The following ACOXL variants were observed in gnomAD, a reference collection of about 807,000 sequenced individuals.
ACOXL encodes the protein acyl-CoA oxidase like.
Under a neutral mutation model 71.9 loss-of-function variants are expected in ACOXL, and 70 were observed. The ratio of observed to expected loss-of-function variants is 0.97; its 90% CI spans 0.80 to 1.19. ACOXL has a LOEUF of 1.19. Among genes scored for constraint, ACOXL ranks in the 50% most tolerant of loss-of-function variants. ACOXL has a pLI of 0.00. For synonymous variants in ACOXL, 253 were observed against 281.6 expected, an observed-to-expected ratio of 0.90 and a Z score of 1.02; for missense variants, 703 against 736.3, an observed-to-expected ratio of 0.95 and a Z score of 0.52.
chr2:111,015,993 T>G (rs6737041), intron 14 of ACOXL, among the ~76,000 whole-genome samples: 55,311 of 151,992 alleles, frequency 0.36, 10,754 homozygotes, highest in African/African-American at 0.49. Context: ...AGTGCAGTGG[T>G]ACAATCATAG....
intron 1 of ACOXL, among the ~76,000 whole-genome samples, chr2:110,734,185 A>G (rs1201840116): frequency 6.6e-6 from 1 of 151,916 alleles, no homozygotes; most frequent in Non-Finnish European, 1.5e-5. Flanking sequence ...GAATTAATAA[A>G]CATTTGAAAA....
rs118020748 is a variant in ACOXL, at chr2:110,852,621, A to G, written c.788+11216A>G. Among the ~76,000 whole-genome samples the G allele has an allele frequency of 5.3e-4, 81 of 152,354 alleles. 1 individual carries two copies. In the East Asian group the frequency reaches 0.014, roughly 27 times the overall value. On this transcript the variant is annotated intron_variant, in intron 10 of 17. Transcript: ENST00000439055. ...ACTACTTACAAATCAAGAACATTCTATAGCCTCTACATCACATGGGGGACT... is the reference window on the plus strand; with the variant it reads ...ACTACTTACAAATCAAGAACATTCTGTAGCCTCTACATCACATGGGGGACT...
chr2:110,919,345 G>A (rs1257239854), intron 11 of ACOXL, among the ~76,000 whole-genome samples: 3 of 147,060 alleles, frequency 2.0e-5, no homozygotes, highest in African/African-American at 5.0e-5. Flanking sequence ...TCATAAGTGG[G>A]AGCTGAACAA....
chr2:110,821,794 A>G (rs1329563373), intron 9 of ACOXL, among the ~76,000 whole-genome samples: 2 of 152,280 alleles, frequency 1.3e-5, no homozygotes, highest in African/African-American at 4.8e-5. Context: ...TTCTTTATGT[A>G]AGTATGTACT....
chr2:111,050,558 C>A (rs771128429), intron 16 of ACOXL, among the ~76,000 whole-genome samples: 10 of 152,178 alleles, frequency 6.6e-5, no homozygotes, highest in Non-Finnish European at 2.9e-5. Flanking sequence ...TGCTCACCGG[C>A]CTTTGGTCTT....
At chr2:111,083,404 G>C (rs934746524) in intron 16 of ACOXL, among the ~76,000 whole-genome samples, 1 of 152,070 alleles carries the variant, frequency 6.6e-6, no homozygotes, top group Non-Finnish European at 1.5e-5. Context: ...AAAGGGAAAA[G>C]GTACAGGGGG....
chr2:111,050,489 G>T (rs1008277681), intron 16 of ACOXL, among the ~76,000 whole-genome samples: 2 of 152,216 alleles, frequency 1.3e-5, no homozygotes, highest in African/African-American at 4.8e-5. Flanking sequence ...TCCAGGTGCA[G>T]GCTGGCTTTC....
In ACOXL at chr2:110,796,189, T is replaced by C. The variant is rs148242575; in HGVS notation, c.345+2015T>C. 14 of 152,390 alleles carry C rather than the reference T, an allele frequency of 9.2e-5. No individual in the cohort carries two copies. The South Asian group carries it at 2.9e-3, about 32-fold the overall frequency. 9.4% of individuals were successfully genotyped at this position (152,390 alleles called of 1,614,324 possible). ...GACCATTTAAATCTCTTACATGTTT[T>C]GGTTATTCATTCCTGTGGGTTGGTT... is the stretch of plus-strand genomic sequence containing the variant. On this transcript the variant is annotated intron_variant, in intron 5 of 17. Transcript: ENST00000439055.
At chr2:110,818,421 ATATGTGTGTG>A (rs1688191555) in intron 9 of ACOXL, among the ~76,000 whole-genome samples, 3 of 142,546 alleles carry the variant, frequency 2.1e-5, no homozygotes, top group African/African-American at 8.0e-5. Context: ...ATATATATAT[ATATGTGTGTG>A]TGTGTGTGTG....
intron 15 of ACOXL, among the ~76,000 whole-genome samples, chr2:111,048,429 G>A (rs1380689042): frequency 5.9e-5 from 9 of 152,182 alleles, no homozygotes; most frequent in African/African-American, 1.9e-4. Flanking sequence ...TTAAATCTGA[G>A]GGTGGCAGAG....
At chr2:110,945,774 T>A (rs1246964334) in intron 12 of ACOXL, among the ~76,000 whole-genome samples, 2 of 152,202 alleles carry the variant, frequency 1.3e-5, no homozygotes, top group African/African-American at 4.8e-5. Flanking sequence ...AGTTAAATAA[T>A]GTGATGCCTT....
At chr2:110,901,436 C>T (rs1225870355) in intron 10 of ACOXL, among the ~76,000 whole-genome samples, 1 of 152,114 alleles carries the variant, frequency 6.6e-6, no homozygotes, top group Non-Finnish European at 1.5e-5. Flanking sequence ...CTCTTCACCA[C>T]CATTGAGAAT....
At chr2:110,798,794 C>T (rs539880905) in intron 6 of ACOXL, 70 bp downstream of exon 6, 23 of 1,410,746 alleles carry the variant, frequency 1.6e-5, no homozygotes, top group East Asian at 1.4e-4. Context: ...AAAACCATTT[C>T]ACAGAGCTGC....
chr2:110,991,466 A>G (rs895816369), intron 13 of ACOXL, among the ~76,000 whole-genome samples: 2 of 152,038 alleles, frequency 1.3e-5, no homozygotes, highest in African/African-American at 2.4e-5. Flanking sequence ...AGAGCTTGTT[A>G]TGCTTTTTTC....
chr2:110,740,325 A>G (rs1677362345), intron 1 of ACOXL, among the ~76,000 whole-genome samples: 1 of 152,150 alleles, frequency 6.6e-6, no homozygotes, highest in East Asian at 1.9e-4. Flanking sequence ...TGTAGAGCCT[A>G]ATCTAAATCC....
intron 12 of ACOXL, 37 bp from the exon 13 acceptor site, chr2:110,987,071 A>G (rs756911756): frequency 5.7e-5 from 86 of 1,517,064 alleles, no homozygotes; most frequent in Non-Finnish European, 9.0e-6. Flanking sequence ...CATTTTTTAC[A>G]CTGCTGAGAC....
chr2:110,943,242 GAAAGAA>G (rs1558765723), intron 12 of ACOXL, among the ~76,000 whole-genome samples: 2 of 121,170 alleles, frequency 1.7e-5, no homozygotes, highest in South Asian at 5.6e-4. Context: ...GCAAGAAAGA[GAAAGAA>G]AAAGAAAAGA....
chr2:110,992,670 C>G (rs2063224915), intron 13 of ACOXL, among the ~76,000 whole-genome samples: 1 of 152,134 alleles, frequency 6.6e-6, no homozygotes, highest in Non-Finnish European at 1.5e-5. Context: ...GGGAGAGGAG[C>G]CCTGAAAGGA....
intron 11 of ACOXL, among the ~76,000 whole-genome samples, chr2:110,933,229 A>G (rs1364304850): frequency 1.3e-5 from 2 of 152,080 alleles, no homozygotes; most frequent in Admixed American, 6.5e-5. Flanking sequence ...CTTTTTCTCT[A>G]TATATCCCAT....
Sources: gnomAD v4.1 joint callset for allele counts (sites outside exome capture counted in the v4.1 genomes callset) on GRCh38, gnomAD v4.1.1 for gene constraint, MANE v1.5 for transcripts, NCBI Gene and HGNC (gene_info 2026-07-23, HGNC 2026-07-21) for gene names.